Variants in SV2A observed in about 807,000 individuals in gnomAD.
SV2A encodes solute carrier family 22 member B1.
In SV2A, 25 loss-of-function variants were observed where a neutral mutation model predicts 78.0. That is an observed-to-expected ratio of 0.32 (90% confidence interval 0.23 to 0.45). The LOEUF (loss-of-function observed/expected upper bound fraction) is 0.45. SV2A is among the 20% of genes least tolerant of loss of function. The probability of loss-of-function intolerance (pLI) is 1.00; values close to 1 mark genes in which losing one functional copy is unlikely to be tolerated. For synonymous variants in SV2A, 355 were observed against 384.7 expected (o/e 0.92, Z 0.90); for missense variants, 752 against 971.5 (o/e 0.77, Z 3.00).
chr1:149,910,950 G>A lies in SV2A; in HGVS notation c.831C>T (p.Phe277=), dbSNP rs1487089934. 5.0e-6 allele frequency: 8 copies of A among 1,614,144 alleles called. No homozygotes were observed. Among genetic ancestry groups the A allele is most frequent in the Non-Finnish European group, 5.9e-6 (7 of 1,180,026 alleles). ...GGGCCAGAAACTCGGAGAAATAGGA[G>A]AAGACAATGGGGATGGACCCTCCAA... ...VGIGGSIPIV[F]SYFSEFLAQE... is the part of the protein sequence containing the mutation. Residue 277 remains phenylalanine, a synonymous_variant, in exon 4 of 13, where the codon TTC becomes TTT. Coordinates refer to ENST00000369146, the MANE Select transcript of SV2A (RefSeq NM_014849.5). This position sits in a 1 kb window ranked among gnomAD's most constrained non-coding sequence, Gnocchi z 4.2.
chr1:149,909,267 A>T lies in SV2A; in HGVS notation c.1304T>A (p.Phe435Tyr), dbSNP rs782261421. The change falls in exon 8 of 13, where the codon TTT (phenylalanine) becomes TAT (tyrosine). Residue 435 changes from phenylalanine to tyrosine, a missense_variant. Transcript: ENST00000369146. The stretch of plus-strand genomic sequence containing the variant: ...ATATTCGGGACCAAAACAGGAGAGA[A>T]AATTCCCCCAAACCTACAGGGGACC... ...LSLGGQVWGN[F>Y]LSCFGPEYRR... 6.2e-7 allele frequency: 1 copy of T among 1,614,058 alleles called. No homozygotes were observed. The highest frequency in any genetic ancestry group is 8.5e-7 in the Non-Finnish European group (1 of 1,179,994).
intron 1 of SV2A, among the ~76,000 whole-genome samples, chr1:149,915,106 G>A (rs587645504): frequency 4.6e-5 from 7 of 152,280 alleles, no homozygotes; most frequent in Admixed American, 1.3e-4. Flanking sequence ...CTCAGTCAGG[G>A]TAGTTAACCT....
chr1:149,908,277 A>C, intron 8 of SV2A, 71 bp from the exon 9 acceptor site: 1 of 1,543,432 alleles, frequency 6.5e-7, no homozygotes, highest in Admixed American at 1.9e-5. Flanking sequence ...AATCAGGCAG[A>C]GGAGAAAACG....
At position 149,910,515 on chromosome 1, in the gene SV2A, G is replaced by A. The variant is rs782611196; in HGVS notation, c.1089+55C>T. On this transcript the variant is annotated intron_variant, in intron 5 of 12. Coordinates refer to ENST00000369146, the MANE Select transcript of SV2A (RefSeq NM_014849.5). The surrounding 1 kb of genome is among the most constrained non-coding windows in gnomAD (Gnocchi z 4.2). Reference sequence around the variant, plus strand: ...TTTGAACACAGAAGCCCCTGCTGCCGTCCACACTCCACAGCCCGCACCCCA... The same window carrying A: ...TTTGAACACAGAAGCCCCTGCTGCCATCCACACTCCACAGCCCGCACCCCA... 3.4e-5 allele frequency: 51 copies of A among 1,510,496 alleles called. No individual in the cohort carries two copies. Among genetic ancestry groups the A allele is most frequent in the African/African-American group, 7.0e-5 (5 of 71,444 alleles). 93.6% of individuals were successfully genotyped at this position (1,510,496 alleles called of 1,614,324 possible).
At chr1:149,915,339 C>T (rs1439718249) in intron 1 of SV2A, among the ~76,000 whole-genome samples, 4 of 152,160 alleles carry the variant, frequency 2.6e-5, no homozygotes, top group African/African-American at 9.7e-5. Context: ...AGTCCCAAGA[C>T]ACCCCTATCT....
chr1:149,914,745 T>G (rs1248191809), intron 1 of SV2A, among the ~76,000 whole-genome samples: 2 of 152,172 alleles, frequency 1.3e-5, no homozygotes, highest in African/African-American at 4.8e-5. Flanking sequence ...AGACATGGGG[T>G]TGACTTCCTG....
rs147627334 is a variant in SV2A, at chr1:149,912,086, G to A, written c.623-106C>T. 84 of 1,175,242 alleles carry A rather than the reference G, an allele frequency of 7.1e-5. No homozygotes were observed. The Middle Eastern group carries it at 1.4e-3, about 20-fold the overall frequency. 72.8% of individuals were successfully genotyped at this position (1,175,242 alleles called of 1,614,324 possible). A position where few individuals can be genotyped will look rare whatever the true frequency, so the allele number is the denominator to read the frequency against. On this transcript the variant is annotated intron_variant, in intron 2 of 12. Coordinates refer to ENST00000369146, the MANE Select transcript of SV2A (RefSeq NM_014849.5). ...TGAAGGATCTGAAAAACTTCTAGAA[G>A]GTAAGTCTACCCAGAGATTAGAGCA...
chr1:149,904,819 T>G lies in SV2A; in HGVS notation c.*195A>C. On this transcript the variant is annotated 3_prime_UTR_variant, in exon 13 of 13. Coordinates refer to ENST00000369146, the MANE Select transcript of SV2A (RefSeq NM_014849.5). ...GTACAGCTTCATCTCAAAACTGGGA[T>G]GAAGGAGCCTTCCCTGTAGTCCCTG... 1.7e-6 allele frequency: 1 copy of G among 573,812 alleles called. No individual in the cohort carries two copies. Among genetic ancestry groups the G allele is most frequent in the Non-Finnish European group, 3.0e-6 (1 of 333,084 alleles). 35.5% of individuals were successfully genotyped at this position (573,812 alleles called of 1,614,324 possible). A position where few individuals can be genotyped will look rare whatever the true frequency, so the allele number is the denominator to read the frequency against.
At position 149,913,325 on chromosome 1, in the gene SV2A, A is replaced by G. The variant is rs2092487440; in HGVS notation, c.516T>C (p.Leu172=). 6.2e-7 allele frequency: 1 copy of G among 1,614,148 alleles called. No homozygotes were observed. The highest frequency in any genetic ancestry group is 8.5e-7 in the Non-Finnish European group (1 of 1,180,016). Reference sequence around the variant, plus strand: ...CACCGTCAGCCATCAGCGCCAGACCAAGCACAAAATACAGTGTCCACTGGA... The same window carrying G: ...CACCGTCAGCCATCAGCGCCAGACCGAGCACAAAATACAGTGTCCACTGGA... The part of the protein sequence containing the change: ...GRFQWTLYFV[L]GLALMADGVE... The change falls in exon 2 of 13, where the codon CTT becomes CTC. Residue 172 remains leucine (L), a synonymous_variant. Coordinates refer to ENST00000369146, the MANE Select transcript of SV2A (RefSeq NM_014849.5).
At position 149,911,888 on chromosome 1, in the gene SV2A, G is replaced by A; in HGVS notation, c.715C>T (p.Leu239Phe). 1 of 1,614,190 alleles carries A rather than the reference G, an allele frequency of 6.2e-7. No homozygotes were observed. The highest frequency in any genetic ancestry group is 8.5e-7 in the Non-Finnish European group (1 of 1,180,046). The change falls in exon 3 of 13, where the codon CTC becomes TTC. Residue 239 changes from leucine to phenylalanine, a missense_variant. Physicochemically the swap from Leu to Phe is conservative, Grantham distance 22. This residue lies in a region of SV2A where 291 missense variants were observed against 359.5 expected (regional missense o/e 0.81). Transcript: ENST00000369146. ...AAGGCGAAGACGCTGTTGACTGAGA[G>A]CGAGATGAGCAGACACTGCCTCCGA... ...LGRRQCLLIS[L>F]SVNSVFAFFS...
At chr1:149,909,646 T>C in intron 6 of SV2A, 75 bp from the exon 7 acceptor site, 1 of 1,486,360 alleles carries the variant, frequency 6.7e-7, no homozygotes, top group Non-Finnish European at 9.4e-7. Context: ...CAGTTTCCCC[T>C]GCATTAGCAA....
intron 1 of SV2A, among the ~76,000 whole-genome samples, chr1:149,914,951 T>C (rs1451139072): frequency 6.6e-6 from 1 of 152,016 alleles, no homozygotes; most frequent in Non-Finnish European, 1.5e-5. Flanking sequence ...CCTCATAAGG[T>C]CCCCAGATGA....
rs2092417171 is a variant in SV2A at position 149,904,102 on chromosome 1, G to T, written c.*912C>A. 1 of 152,884 alleles carries T rather than the reference G, an allele frequency of 6.5e-6. No individual in the cohort carries two copies. The highest frequency in any genetic ancestry group is 1.5e-5 in the Non-Finnish European group (1 of 68,242). The allele number at this position is 152,884 out of a possible 1,614,324, so 9.5% of individuals were successfully genotyped here. Reference sequence around the variant, plus strand: ...GTAGTGGGTGGAGCCTCTCACTCCAGAGGAGGCCTCTGCTTCTTGAGGAGG... The same window carrying T: ...GTAGTGGGTGGAGCCTCTCACTCCATAGGAGGCCTCTGCTTCTTGAGGAGG... On this transcript the variant is annotated 3_prime_UTR_variant, in exon 13 of 13. Coordinates refer to ENST00000369146, the MANE Select transcript of SV2A (RefSeq NM_014849.5).
chr1:149,906,127 A>G, intron 11 of SV2A, 88 bp from the exon 12 acceptor site: 1 of 1,503,552 alleles, frequency 6.7e-7, no homozygotes, highest in African/African-American at 1.4e-5. Context: ...TGGCTTTCAG[A>G]TAGCCCAGGA....
rs587740443 is a variant in SV2A, at chr1:149,913,400, T to G, written c.441A>C (p.Glu147Asp). The stretch of plus-strand genomic sequence containing the variant: ...GGATGGCTTCATACTGTTGGGCCAG[T>G]TCTTCTCGTTCTTTCCGTCGTTGTG... ...GEAQRRKERE[E>D]LAQQYEAILR... The change falls in exon 2 of 13, where the codon GAA becomes GAC. Residue 147 changes from glutamate to aspartate, a missense_variant. Around this residue, in one of 7 missense-constraint regions of SV2A, gnomAD observed 291 missense variants for 359.5 expected, o/e 0.81. Transcript: ENST00000369146. 6.2e-7 allele frequency: 1 copy of G among 1,614,008 alleles called. No individual in the cohort carries two copies. The highest frequency in any genetic ancestry group is 2.2e-5 in the East Asian group (1 of 44,836).
chr1:149,912,195 G>C (rs1189626330), intron 2 of SV2A, among the ~76,000 whole-genome samples: 1 of 152,146 alleles, frequency 6.6e-6, no homozygotes, highest in Admixed American at 6.5e-5. Flanking sequence ...GAAGATATGG[G>C]AGAACCTGCA....
chr1:149,913,573 C>T lies in SV2A; in HGVS notation c.268G>A (p.Asp90Asn). ...SSDATEGHDE[D>N]DEIYEGEYQG... ...TATTCCCCTTCATAGATCTCATCAT[C>T]CTCGTCATGGCCCTCAGTAGCATCA... Residue 90 changes from aspartate (D) to asparagine (N), a missense_variant, in exon 2 of 13, where the codon GAT becomes AAT. Around this residue, in one of 7 missense-constraint regions of SV2A, gnomAD observed 291 missense variants for 359.5 expected, o/e 0.81. Transcript: ENST00000369146. 6.2e-7 allele frequency: 1 copy of T among 1,614,084 alleles called. No homozygotes were observed. The highest frequency in any genetic ancestry group is 8.5e-7 in the Non-Finnish European group (1 of 1,180,018).
chr1:149,913,935 C>G lies in SV2A; in HGVS notation c.-95G>C. 1.3e-6 allele frequency: 2 copies of G among 1,502,800 alleles called. No homozygotes were observed. The allele number at this position is 1,502,800 out of a possible 1,614,324, so 93.1% of individuals were successfully genotyped here. A position where few individuals can be genotyped will look rare whatever the true frequency, so the allele number is the denominator to read the frequency against. On this transcript the variant is annotated 5_prime_UTR_variant, in exon 2 of 13. Transcript: ENST00000369146. The stretch of plus-strand genomic sequence containing the variant: ...CTTGTAGAGTCAAAAAGACCCCTCC[C>G]CACAGTTACTTAGATGAAGCGTGTT...
intron 12 of SV2A, 176 bp from the exon 13 acceptor site, chr1:149,905,373 G>A: frequency 1.8e-6 from 1 of 560,862 alleles, no homozygotes; most frequent in Admixed American, 3.4e-5. Context: ...TAAATTGAGA[G>A]ACAAAGGGAA....
Sources: gnomAD v4.1 joint callset for allele counts (sites outside exome capture counted in the v4.1 genomes callset) on GRCh38, gnomAD v4.1.1 for gene constraint, gnomAD v4.1.1 regional missense constraint, Gnocchi (gnomAD v3.1) non-coding constraint, MANE v1.5 for transcripts, NCBI Gene and HGNC (gene_info 2026-07-23, HGNC 2026-07-21) for gene names.